Variants in ITIH3 observed in about 807,000 individuals in gnomAD.
The protein encoded by ITIH3 is inter-alpha-trypsin inhibitor heavy chain H3.
ITIH3 carries 81 observed loss-of-function variants against 96.5 expected under a neutral mutation model. That is an observed-to-expected ratio of 0.84 (90% CI 0.70 to 1.01). The LOEUF (loss-of-function observed/expected upper bound fraction) is 1.01, where lower values mean the gene tolerates loss of function less well. Among genes scored for constraint, ITIH3 ranks in the 50% least tolerant of loss-of-function variants. The probability of loss-of-function intolerance (pLI) is 0.00; values close to 1 mark genes in which losing one functional copy is unlikely to be tolerated. For synonymous variants in ITIH3, 422 were observed against 445.2 expected (o/e 0.95, Z 0.66); for missense variants, 1,057 against 1,139.3 (o/e 0.93, Z 1.04).
intron 14 of ITIH3, 136 bp downstream of exon 14, chr3:52,804,145 C>A: frequency 1.1e-6 from 1 of 898,128 alleles, no homozygotes; most frequent in Non-Finnish European, 1.7e-6. Flanking sequence ...AAACTGGCCA[C>A]GGGATGGGGA....
At chr3:52,808,381 A>G (rs1700131285) in intron 21 of ITIH3, among the ~76,000 whole-genome samples, 160 bp downstream of exon 21, 1 of 152,224 alleles carries the variant, frequency 6.6e-6, no homozygotes, top group Admixed American at 6.5e-5. Flanking sequence ...TAATCAAGAA[A>G]AAGCCCAAAC....
intron 6 of ITIH3, among the ~76,000 whole-genome samples, chr3:52,798,167 G>A (rs1029330542): frequency 1.4e-4 from 21 of 152,182 alleles, no homozygotes; most frequent in African/African-American, 2.9e-4. Context: ...GCCTGGTCCC[G>A]TTCCCCCTTG....
chr3:52,794,831 A>G lies in ITIH3; in HGVS notation c.28A>G (p.Ile10Val), dbSNP rs746556196. The G allele has an allele frequency of 6.2e-7, 1 of 1,613,956 alleles. No individual in the cohort carries two copies. The highest frequency in any genetic ancestry group is 8.5e-7 in the Non-Finnish European group (1 of 1,179,872). Residue 10 changes from isoleucine to valine, a missense_variant, in exon 1 of 22, where the codon ATC becomes GTC. Physicochemically the swap from Ile to Val is conservative, Grantham distance 29 (BLOSUM62 3). Transcript: ENST00000449956. MAFAWWPCL[I>V]LALLSSLAAS... The stretch of plus-strand genomic sequence containing the variant: ...GGCATTTGCATGGTGGCCCTGTCTC[A>G]TCTTGGCTCTGCTCTCCAGCTTGGC...
In ITIH3 at chr3:52,803,959, A is replaced by G. The variant is rs1699946878; in HGVS notation, c.1814A>G (p.Lys605Arg). 1.9e-6 allele frequency: 3 copies of G among 1,613,888 alleles called. No individual in the cohort carries two copies. Among genetic ancestry groups the G allele is most frequent in the Non-Finnish European group, 2.5e-6 (3 of 1,179,836 alleles). Residue 605 changes from lysine to arginine, a missense_variant, in exon 14 of 22, where the codon AAG (lysine) becomes AGG (arginine). By Grantham distance (26) the Lys-to-Arg change is conservative (BLOSUM62 2). Transcript: ENST00000449956. ...CCACTGACCTCAATGGTGGTGACCA[A>G]GCCTGAGGACAACGAGGATGAGAGG... ...VTPLTSMVVT[K>R]PEDNEDERAI... is the part of the protein sequence containing the mutation.
chr3:52,800,822 G>A lies in ITIH3; in HGVS notation c.1202-143G>A, dbSNP rs971931825. 12 of 1,453,002 alleles carry A rather than the reference G, an allele frequency of 8.3e-6. No individual in the cohort carries two copies. In the African/African-American group the frequency reaches 1.1e-4, roughly 14 times the overall value. 90.0% of individuals were successfully genotyped at this position (1,453,002 alleles called of 1,614,324 possible). A position where few individuals can be genotyped will look rare whatever the true frequency, so the allele number is the denominator to read the frequency against. On this transcript the variant is annotated intron_variant, in intron 10 of 21. Coordinates refer to ENST00000449956, the MANE Select transcript of ITIH3 (RefSeq NM_002217.4). ...CAGGGTCCTGCCTCCCTCTGCCAGGGCTCTCCACCACCTGCCCCACAAGGG... is the reference window on the plus strand; with the variant it reads ...CAGGGTCCTGCCTCCCTCTGCCAGGACTCTCCACCACCTGCCCCACAAGGG...
chr3:52,804,345 G>A, intron 14 of ITIH3: 1 of 441,306 alleles, frequency 2.3e-6, no homozygotes, highest in Non-Finnish European at 4.1e-6. Context: ...TGAAAGGCCT[G>A]GAGCAGGCTA....
At chr3:52,806,438 G>C in intron 18 of ITIH3, 32 bp downstream of exon 18, 1 of 1,560,448 alleles carries the variant, frequency 6.4e-7, no homozygotes. Context: ...CGGGGCCAGG[G>C]GGCTCTTCCT....
chr3:52,798,867 C>A, intron 6 of ITIH3, 99 bp from the exon 7 acceptor site: 2 of 1,458,094 alleles, frequency 1.4e-6, no homozygotes, highest in Non-Finnish European at 1.9e-6. Flanking sequence ...GGGCTCCTCC[C>A]TGTGAGGCTG....
chr3:52,802,089 A>C, intron 11 of ITIH3: 3 of 436,290 alleles, frequency 6.9e-6, no homozygotes, highest in Non-Finnish European at 1.2e-5. Context: ...GTCCTTTCAT[A>C]TTTCTTTTTT....
chr3:52,797,378 C>T (rs947206438), intron 5 of ITIH3, 111 bp downstream of exon 5: 12 of 1,143,662 alleles, frequency 1.0e-5, no homozygotes, highest in African/African-American at 6.2e-5. Context: ...CACGGCATCC[C>T]CCATCCTTGG....
chr3:52,798,968 C>T lies in ITIH3; in HGVS notation c.666C>T (p.Gly222=). 6.2e-7 allele frequency: 1 copy of T among 1,613,066 alleles called. No homozygotes were observed. Among genetic ancestry groups the T allele is most frequent in the Non-Finnish European group, 8.5e-7 (1 of 1,179,510 alleles). ...ALTKSFSGKK[G]HVSFKPSLDQ... is the part of the protein sequence containing the mutation. Reference sequence around the variant, plus strand: ...GGTCTTTCATCTCCATCCCTTAGGGCCATGTGTCCTTCAAGCCCAGCTTAG... The same window carrying T: ...GGTCTTTCATCTCCATCCCTTAGGGTCATGTGTCCTTCAAGCCCAGCTTAG... Residue 222 remains glycine (G), a splice_region_variant and synonymous_variant, in exon 7 of 22, where the codon GGC becomes GGT. Coordinates refer to ENST00000449956, the MANE Select transcript of ITIH3 (RefSeq NM_002217.4).
intron 1 of ITIH3, 69 bp from the exon 2 acceptor site, chr3:52,795,534 C>T: frequency 2.6e-6 from 4 of 1,545,504 alleles, no homozygotes; most frequent in Non-Finnish European, 3.5e-6. Flanking sequence ...CCAGAGCCTC[C>T]CAGGCCATGC....
In ITIH3 at chr3:52,797,259, C is replaced by A. The variant is rs1477177155; in HGVS notation, c.541C>A (p.His181Asn). The change falls in exon 5 of 22, where the codon CAC (histidine) becomes AAC (asparagine). Residue 181 changes from histidine (H) to asparagine (N), a missense_variant. Coordinates refer to ENST00000449956, the MANE Select transcript of ITIH3 (RefSeq NM_002217.4). The stretch of plus-strand genomic sequence containing the variant: ...GGTCCAGCCTAAGCAACTGGTCAAA[C>A]ACTTTGAGGTAATCAACCGCCCCTG... Reference protein sequence around the residue: ...LKVQPKQLVKHFEIEVDIFEP... With the variant: ...LKVQPKQLVKNFEIEVDIFEP... 4.4e-6 allele frequency: 7 copies of A among 1,603,792 alleles called. No homozygotes were observed. Among genetic ancestry groups the A allele is most frequent in the Non-Finnish European group, 6.0e-6 (7 of 1,175,676 alleles).
Position 52,806,407 on chromosome 3 carries a change from G to A in ITIH3, c.2056+1G>A. The A allele has an allele frequency of 6.2e-7, 1 of 1,610,642 alleles. No homozygotes were observed. On this transcript the variant is annotated splice_donor_variant, in intron 18 of 21. Coordinates refer to ENST00000449956, the MANE Select transcript of ITIH3 (RefSeq NM_002217.4). LOFTEE classifies it high-confidence loss of function. ...CGCCTTATTCAGGATGCAGTCACAGGTGAGGCTTGTGGGCTAGGGCCGGGG... is the reference window on the plus strand; with the variant it reads ...CGCCTTATTCAGGATGCAGTCACAGATGAGGCTTGTGGGCTAGGGCCGGGG...
rs542389433 is a variant in ITIH3, at chr3:52,807,031, G to A, written c.2187G>A (p.Glu729=). The A allele has an allele frequency of 1.2e-6, 2 of 1,602,220 alleles. No individual in the cohort carries two copies. Among genetic ancestry groups the A allele is most frequent in the East Asian group, 2.3e-5 (1 of 44,294 alleles). The part of the protein sequence containing the change: ...QMDFQVEVTT[E]KITLWNRAVP... ...ACTTCCAGGTGGAGGTGACAACGGA[G>A]AAGATCACCCTGTGGAACAGGGCCG... The change falls in exon 19 of 22, where the codon GAG becomes GAA. Residue 729 remains glutamate (E), a synonymous_variant. Coordinates refer to ENST00000449956, the MANE Select transcript of ITIH3 (RefSeq NM_002217.4).
chr3:52,803,753 A>C, intron 13 of ITIH3, 102 bp from the exon 14 acceptor site: 36 of 1,293,348 alleles, frequency 2.8e-5, no homozygotes, highest in Non-Finnish European at 3.7e-5. Context: ...ACAATGGGGA[A>C]GGTGGAGTGG....
At position 52,805,996 on chromosome 3, in the gene ITIH3, G is replaced by T; in HGVS notation, c.1907-107G>T. On this transcript the variant is annotated intron_variant, in intron 16 of 21. Transcript: ENST00000449956. ...GGGGTGGGAGGGCAATGGCATTAGCGAGCGGGAAGGGGAGGGGAGGGGCAT... is the reference window on the plus strand; with the variant it reads ...GGGGTGGGAGGGCAATGGCATTAGCTAGCGGGAAGGGGAGGGGAGGGGCAT... The T allele has an allele frequency of 2.0e-6, 3 of 1,486,862 alleles. No individual in the cohort carries two copies. The Middle Eastern group carries it at 5.2e-4, about 258-fold the overall frequency. The allele number at this position is 1,486,862 out of a possible 1,614,324, so 92.1% of individuals were successfully genotyped here. A position where few individuals can be genotyped will look rare whatever the true frequency, so the allele number is the denominator to read the frequency against.
At chr3:52,800,457 C>T in intron 9 of ITIH3, 81 bp from the exon 10 acceptor site, 1 of 1,513,432 alleles carries the variant, frequency 6.6e-7, no homozygotes, top group East Asian at 2.5e-5. Flanking sequence ...GGCCGGCTGT[C>T]CCGGCCTCCT....
At chr3:52,803,313 TTTATTATTATTA>T (rs1359230504) in intron 13 of ITIH3, among the ~76,000 whole-genome samples, 33 of 118,048 alleles carry the variant, frequency 2.8e-4, no homozygotes, top group African/African-American at 2.1e-3. Flanking sequence ...TTTATTTTAT[TTTATTATTATTA>T]TTTTTTTTTT....
Sources: allele counts gnomAD v4.1 joint callset (sites outside exome capture counted in the v4.1 genomes callset), GRCh38; gene constraint gnomAD v4.1.1; transcripts MANE v1.5; gene names NCBI Gene and HGNC (gene_info 2026-07-23, HGNC 2026-07-21).